SPEM3: variants seen among roughly 807,000 people sequenced by gnomAD.
SPEM3 encodes the protein SPEM family member 3.
rs939195872 is a variant in SPEM3, at chr17:7,431,831, A to G, written c.2660A>G (p.Glu887Gly). ...EVNKSSGVIQESFLHKSPGLV... is the reference protein window; with the variant it reads ...EVNKSSGVIQGSFLHKSPGLV... ...AATAAGAGCTCAGGAGTTATCCAGG[A>G]ATCTTTTCTCCACAAGAGCCCAGGC... Residue 887 changes from glutamate (E) to glycine (G), a missense_variant, in exon 3 of 3, where the codon GAA becomes GGA. Glu to Gly is a moderately conservative substitution (Grantham distance 98). Coordinates refer to ENST00000636696, the MANE Select transcript of SPEM3 (RefSeq NM_001364708.1). 2.3e-5 allele frequency: 9 copies of G among 398,572 alleles called. No homozygotes were observed. The highest frequency in any genetic ancestry group is 1.8e-4 in the African/African-American group (9 of 48,718). 24.7% of individuals were successfully genotyped at this position (398,572 alleles called of 1,614,324 possible).
Position 7,432,090 on chromosome 17 carries a change from G to C in SPEM3, c.2919G>C (p.Lys973Asn). 1 of 398,546 alleles carries C rather than the reference G, an allele frequency of 2.5e-6. No individual in the cohort carries two copies. The highest frequency in any genetic ancestry group is 3.6e-5 in the East Asian group (1 of 28,078). 24.7% of individuals were successfully genotyped at this position (398,546 alleles called of 1,614,324 possible). A position where few individuals can be genotyped will look rare whatever the true frequency, so the allele number is the denominator to read the frequency against. ...SEHSQDSNLHKCPGINQDPGP... is the reference protein window; with the variant it reads ...SEHSQDSNLHNCPGINQDPGP... The stretch of plus-strand genomic sequence containing the variant: ...ATAGCCAAGACTCTAATCTCCACAA[G>C]TGCCCAGGAATTAATCAAGATCCTG... Residue 973 changes from lysine to asparagine, a missense_variant, in exon 3 of 3, where the codon AAG becomes AAC. Physicochemically the swap from Lys to Asn is moderately conservative, Grantham distance 94 (BLOSUM62 0). Transcript: ENST00000636696. This position sits in a 1 kb window ranked among gnomAD's most constrained non-coding sequence, Gnocchi z 4.1.
rs1907833907 is a variant in SPEM3 at position 7,431,552 on chromosome 17, T to G, written c.2381T>G (p.Leu794Arg). The stretch of plus-strand genomic sequence containing the variant: ...ACACCATTTACCCAAACTTCTGATC[T>G]TCAGAGGAGCTCAGGCTTTACACAA... ...KKTPFTQTSD[L>R]QRSSGFTQDS... Residue 794 changes from leucine (L) to arginine (R), a missense_variant, in exon 3 of 3, where the codon CTT becomes CGT. Transcript: ENST00000636696. The G allele has an allele frequency of 2.5e-6, 1 of 398,426 alleles. No homozygotes were observed. Among genetic ancestry groups the G allele is most frequent in the Admixed American group, 4.4e-5 (1 of 22,686 alleles). 24.7% of individuals were successfully genotyped at this position (398,426 alleles called of 1,614,324 possible).
chr17:7,431,886 C>T lies in SPEM3; in HGVS notation c.2715C>T (p.Cys905=), dbSNP rs566755459. Residue 905 remains cysteine, a synonymous_variant, in exon 3 of 3, where the codon TGC becomes TGT. Transcript: ENST00000636696. Reference sequence around the variant, plus strand: ...TCCAAACCTCTGGCCTCCCAAAGTGCTCAGGCCTTACCCAAAACTCAGGAG... The same window carrying T: ...TCCAAACCTCTGGCCTCCCAAAGTGTTCAGGCCTTACCCAAAACTCAGGAG... The part of the protein sequence containing the change: ...GLVQTSGLPK[C]SGLTQNSGDY... 4.8e-4 allele frequency: 193 copies of T among 398,498 alleles called. 1 individual carries two copies. In the East Asian group the frequency reaches 6.5e-3, roughly 13 times the overall value. The allele number at this position is 398,498 out of a possible 1,614,324, so 24.7% of individuals were successfully genotyped here. A position where few individuals can be genotyped will look rare whatever the true frequency, so the allele number is the denominator to read the frequency against.
chr17:7,429,202 C>T lies in SPEM3; in HGVS notation c.151C>T (p.Leu51=), dbSNP rs1183967097. ...INVVTLLWKH[L]KSSLRILFRH... ...CCACTCCCTTCAGCTCTGGAAGCAT[C>T]TGAAGAGCTCCTTGCGGATTCTTTT... Residue 51 remains leucine (L), a synonymous_variant, in exon 2 of 3, where the codon CTG becomes TTG. Coordinates refer to ENST00000636696, the MANE Select transcript of SPEM3 (RefSeq NM_001364708.1). This position sits in a 1 kb window ranked among gnomAD's most constrained non-coding sequence, Gnocchi z 4.9. The T allele has an allele frequency of 2.5e-6, 1 of 398,510 alleles. No homozygotes were observed. The highest frequency in any genetic ancestry group is 4.4e-6 in the Non-Finnish European group (1 of 226,092). 24.7% of individuals were successfully genotyped at this position (398,510 alleles called of 1,614,324 possible).
chr17:7,430,640 G>A lies in SPEM3; in HGVS notation c.1469G>A (p.Ser490Asn). Residue 490 changes from serine to asparagine, a missense_variant, in exon 3 of 3, where the codon AGT becomes AAT. Ser to Asn is a conservative substitution (Grantham distance 46). Coordinates refer to ENST00000636696, the MANE Select transcript of SPEM3 (RefSeq NM_001364708.1). Reference protein sequence around the residue: ...FRPQEGQDLVSSGISEQTKQC... With the variant: ...FRPQEGQDLVNSGISEQTKQC... Reference sequence around the variant, plus strand: ...CCCCAAGAGGGTCAGGACCTGGTGAGTTCTGGCATATCTGAGCAAACAAAG... The same window carrying A: ...CCCCAAGAGGGTCAGGACCTGGTGAATTCTGGCATATCTGAGCAAACAAAG... 1 of 398,712 alleles carries A rather than the reference G, an allele frequency of 2.5e-6. No individual in the cohort carries two copies. Among genetic ancestry groups the A allele is most frequent in the Non-Finnish European group, 4.4e-6 (1 of 226,138 alleles). 24.7% of individuals were successfully genotyped at this position (398,712 alleles called of 1,614,324 possible). A position where few individuals can be genotyped will look rare whatever the true frequency, so the allele number is the denominator to read the frequency against.
rs1400983916 is a variant in SPEM3 at position 7,431,832 on chromosome 17, A to G, written c.2661A>G (p.Glu887=). ...EVNKSSGVIQ[E]SFLHKSPGLV... is the part of the protein sequence containing the mutation. ...ATAAGAGCTCAGGAGTTATCCAGGA[A>G]TCTTTTCTCCACAAGAGCCCAGGCC... is the stretch of plus-strand genomic sequence containing the variant. Residue 887 remains glutamate, a synonymous_variant, in exon 3 of 3, where the codon GAA becomes GAG. Coordinates refer to ENST00000636696, the MANE Select transcript of SPEM3 (RefSeq NM_001364708.1). 2.5e-6 allele frequency: 1 copy of G among 398,426 alleles called. No homozygotes were observed. The highest frequency in any genetic ancestry group is 4.4e-5 in the Admixed American group (1 of 22,702). 24.7% of individuals were successfully genotyped at this position (398,426 alleles called of 1,614,324 possible). A position where few individuals can be genotyped will look rare whatever the true frequency, so the allele number is the denominator to read the frequency against.
Position 7,431,618 on chromosome 17 carries a change from C to T in SPEM3, c.2447C>T (p.Thr816Ile), listed in dbSNP as rs917309609. ...AGGAATCTTGAACCAAACCAAGAGA[C>T]TGTGATCTACAAAAATCAAGATCTC... Reference protein sequence around the residue: ...IYRNLEPNQETVIYKNQDLSQ... With the variant: ...IYRNLEPNQEIVIYKNQDLSQ... Residue 816 changes from threonine (T) to isoleucine (I), a missense_variant, in exon 3 of 3, where the codon ACT (threonine) becomes ATT (isoleucine). By Grantham distance (89) the Thr-to-Ile change is moderately conservative (BLOSUM62 -1). Coordinates refer to ENST00000636696, the MANE Select transcript of SPEM3 (RefSeq NM_001364708.1). The T allele has an allele frequency of 7.5e-6, 3 of 398,600 alleles. No homozygotes were observed. The highest frequency in any genetic ancestry group is 2.1e-5 in the African/African-American group (1 of 48,738). The allele number at this position is 398,600 out of a possible 1,614,324, so 24.7% of individuals were successfully genotyped here.
In SPEM3 at chr17:7,429,317, C is replaced by T. The variant is rs1441660951; in HGVS notation, c.197-51C>T. 1 of 398,442 alleles carries T rather than the reference C, an allele frequency of 2.5e-6. No individual in the cohort carries two copies. Among genetic ancestry groups the T allele is most frequent in the Non-Finnish European group, 4.4e-6 (1 of 226,060 alleles). The allele number at this position is 398,442 out of a possible 1,614,324, so 24.7% of individuals were successfully genotyped here. On this transcript the variant is annotated intron_variant, in intron 2 of 2. Transcript: ENST00000636696. This position sits in a 1 kb window ranked among gnomAD's most constrained non-coding sequence, Gnocchi z 4.9. ...CCTTTCTCCTATCCCTGGCCCAGTT[C>T]TTAGTCCCTAGGGAACCCGGGCATT... is the stretch of plus-strand genomic sequence containing the variant.
In SPEM3 at chr17:7,429,394, A is replaced by G. The variant is rs1035214557; in HGVS notation, c.223A>G (p.Ile75Val). The G allele has an allele frequency of 2.8e-5, 11 of 398,438 alleles. No homozygotes were observed. Among genetic ancestry groups the G allele is most frequent in the African/African-American group, 4.1e-5 (2 of 48,560 alleles). 24.7% of individuals were successfully genotyped at this position (398,438 alleles called of 1,614,324 possible). Residue 75 changes from isoleucine to valine, a missense_variant, in exon 3 of 3, where the codon ATA (isoleucine) becomes GTA (valine). Physicochemically the swap from Ile to Val is conservative, Grantham distance 29. Transcript: ENST00000636696. The surrounding 1 kb of genome is among the most constrained non-coding windows in gnomAD (Gnocchi z 4.9). ...KDKQPSGSHP[I>V]CICSSVDPKN... is the part of the protein sequence containing the mutation. The stretch of plus-strand genomic sequence containing the variant: ...CAAGCAGCCCAGCGGCAGCCATCCC[A>G]TATGTATTTGCTCCTCCGTGGATCC...
Position 7,430,487 on chromosome 17 carries a change from C to T in SPEM3, c.1316C>T (p.Ala439Val), listed in dbSNP as rs2150827393. The T allele has an allele frequency of 2.5e-6, 1 of 399,492 alleles. No homozygotes were observed. The highest frequency in any genetic ancestry group is 2.1e-5 in the African/African-American group (1 of 48,742). 24.7% of individuals were successfully genotyped at this position (399,492 alleles called of 1,614,324 possible). A position where few individuals can be genotyped will look rare whatever the true frequency, so the allele number is the denominator to read the frequency against. Residue 439 changes from alanine (A) to valine (V), a missense_variant, in exon 3 of 3, where the codon GCC (alanine) becomes GTC (valine). By Grantham distance (64) the Ala-to-Val change is moderately conservative (BLOSUM62 0). Coordinates refer to ENST00000636696, the MANE Select transcript of SPEM3 (RefSeq NM_001364708.1). ...ACTCCTATACCCTCTACCCCACCTG[C>T]CTTCAGCCATGACCTCTCCACTGGC... The part of the protein sequence containing the change: ...IITPIPSTPP[A>V]FSHDLSTGHV...
In SPEM3 at chr17:7,430,165, G is replaced by C. The variant is rs1021719197; in HGVS notation, c.994G>C (p.Ala332Pro). ...TGAACACACCTCAGCCCACTCCCCAGCCCAGGCTCCTATGCCTGTCCCAGC... is the reference window on the plus strand; with the variant it reads ...TGAACACACCTCAGCCCACTCCCCACCCCAGGCTCCTATGCCTGTCCCAGC... ...SPEHTSAHSP[A>P]QAPMPVPAHP... Residue 332 changes from alanine (A) to proline (P), a missense_variant, in exon 3 of 3, where the codon GCC becomes CCC. Physicochemically the swap from Ala to Pro is conservative, Grantham distance 27. Transcript: ENST00000636696. The C allele has an allele frequency of 2.4e-5, 10 of 416,640 alleles. No individual in the cohort carries two copies. The highest frequency in any genetic ancestry group is 6.0e-4 in the Middle Eastern group (1 of 1,672). The allele number at this position is 416,640 out of a possible 1,614,324, so 25.8% of individuals were successfully genotyped here.
rs184125967 is a variant in SPEM3 at position 7,431,976 on chromosome 17, T to C, written c.2805T>C (p.Asp935=). 2.5e-6 allele frequency: 1 copy of C among 398,554 alleles called. No individual in the cohort carries two copies. The highest frequency in any genetic ancestry group is 2.1e-5 in the African/African-American group (1 of 48,722). 24.7% of individuals were successfully genotyped at this position (398,554 alleles called of 1,614,324 possible). The change falls in exon 3 of 3, where the codon GAT becomes GAC. Residue 935 remains aspartate (D), a synonymous_variant. Transcript: ENST00000636696. Reference sequence around the variant, plus strand: ...ACAAAGTTAAAGGCCTTACTCAAGATTCCAACCTCCCAAGCCTTACCCAAG... The same window carrying C: ...ACAAAGTTAAAGGCCTTACTCAAGACTCCAACCTCCCAAGCCTTACCCAAG... ...GGHKVKGLTQ[D]SNLPSLTQAT...
In SPEM3 at chr17:7,429,342, T is replaced by C. The variant is rs2150826862; in HGVS notation, c.197-26T>C. ...CTTAGTCCCTAGGGAACCCGGGCAT[T>C]GTCCCCATCCTACCTCTCCCTGCAG... On this transcript the variant is annotated intron_variant, in intron 2 of 2. Coordinates refer to ENST00000636696, the MANE Select transcript of SPEM3 (RefSeq NM_001364708.1). This position sits in a 1 kb window ranked among gnomAD's most constrained non-coding sequence, Gnocchi z 4.9. 2.5e-6 allele frequency: 1 copy of C among 398,534 alleles called. No individual in the cohort carries two copies. 24.7% of individuals were successfully genotyped at this position (398,534 alleles called of 1,614,324 possible).
At position 7,430,712 on chromosome 17, in the gene SPEM3, G is replaced by A. The variant is rs988092698; in HGVS notation, c.1541G>A (p.Gly514Asp). 2 of 398,510 alleles carry A rather than the reference G, an allele frequency of 5.0e-6. No individual in the cohort carries two copies. The highest frequency in any genetic ancestry group is 8.8e-6 in the Non-Finnish European group (2 of 226,114). 24.7% of individuals were successfully genotyped at this position (398,510 alleles called of 1,614,324 possible). A position where few individuals can be genotyped will look rare whatever the true frequency, so the allele number is the denominator to read the frequency against. The stretch of plus-strand genomic sequence containing the variant: ...AAGCTTCCTGCAGGATCCATACTGG[G>A]CTACCTGGAGTTGAGGAATATGGAA... Reference protein sequence around the residue: ...SAKLPAGSILGYLELRNMEWK... With the variant: ...SAKLPAGSILDYLELRNMEWK... Residue 514 changes from glycine (G) to aspartate (D), a missense_variant, in exon 3 of 3, where the codon GGC becomes GAC. Gly to Asp is a moderately conservative substitution (Grantham distance 94). Coordinates refer to ENST00000636696, the MANE Select transcript of SPEM3 (RefSeq NM_001364708.1).
In SPEM3 at chr17:7,432,359, AG is replaced by A. The variant is rs1257484507; in HGVS notation, c.3189del (p.Gln1063HisfsTer36). 2 of 398,706 alleles carry A rather than the reference AG, an allele frequency of 5.0e-6. No individual in the cohort carries two copies. The highest frequency in any genetic ancestry group is 8.8e-6 in the Non-Finnish European group (2 of 226,086). 24.7% of individuals were successfully genotyped at this position (398,706 alleles called of 1,614,324 possible). ...PEKAAQKEDA[Q>X]RHVLWARVQL... ...AAGGCTGCTCAGAAGGAGGACGCAC[AG>A]CGGCACGTCCTCTGGGCTCGTGTCC... On this transcript the variant is annotated frameshift_variant, in exon 3 of 3. Coordinates refer to ENST00000636696, the MANE Select transcript of SPEM3 (RefSeq NM_001364708.1). LOFTEE classifies it low-confidence loss of function (END_TRUNC). This position sits in a 1 kb window ranked among gnomAD's most constrained non-coding sequence, Gnocchi z 4.1.
Position 7,431,567 on chromosome 17 carries a change from G to C in SPEM3, c.2396G>C (p.Gly799Ala), listed in dbSNP as rs188550190. The change falls in exon 3 of 3, where the codon GGC becomes GCC. Residue 799 changes from glycine (G) to alanine (A), a missense_variant. Physicochemically the swap from Gly to Ala is moderately conservative, Grantham distance 60 (BLOSUM62 0). Coordinates refer to ENST00000636696, the MANE Select transcript of SPEM3 (RefSeq NM_001364708.1). ...ACTTCTGATCTTCAGAGGAGCTCAG[G>C]CTTTACACAAGACTCTGGAATCTAT... ...TQTSDLQRSS[G>A]FTQDSGIYRN... 2.5e-6 allele frequency: 1 copy of C among 398,532 alleles called. No homozygotes were observed. Among genetic ancestry groups the C allele is most frequent in the East Asian group, 3.6e-5 (1 of 28,070 alleles). The allele number at this position is 398,532 out of a possible 1,614,324, so 24.7% of individuals were successfully genotyped here. A position where few individuals can be genotyped will look rare whatever the true frequency, so the allele number is the denominator to read the frequency against.
At position 7,430,885 on chromosome 17, in the gene SPEM3, T is replaced by A. The variant is rs970706937; in HGVS notation, c.1714T>A (p.Cys572Ser). The change falls in exon 3 of 3, where the codon TGT (cysteine) becomes AGT (serine). Residue 572 changes from cysteine to serine, a missense_variant. Physicochemically the swap from Cys to Ser is moderately radical, Grantham distance 112. Transcript: ENST00000636696. ...KFLAYSRDTA[C>S]AKTCFHSATT... ...CCTTGCCTACTCCCGGGATACTGCA[T>A]GTGCCAAGACTTGCTTTCATTCTGC... 1 of 398,612 alleles carries A rather than the reference T, an allele frequency of 2.5e-6. No homozygotes were observed. Among genetic ancestry groups the A allele is most frequent in the African/African-American group, 2.1e-5 (1 of 48,618 alleles). 24.7% of individuals were successfully genotyped at this position (398,612 alleles called of 1,614,324 possible). A position where few individuals can be genotyped will look rare whatever the true frequency, so the allele number is the denominator to read the frequency against.
In SPEM3 at chr17:7,430,471, C is replaced by A. The variant is rs1597735309; in HGVS notation, c.1300C>A (p.Pro434Thr). The A allele has an allele frequency of 5.0e-6, 2 of 399,936 alleles. No individual in the cohort carries two copies. Among genetic ancestry groups the A allele is most frequent in the Admixed American group, 4.4e-5 (1 of 22,746 alleles). 24.8% of individuals were successfully genotyped at this position (399,936 alleles called of 1,614,324 possible). A position where few individuals can be genotyped will look rare whatever the true frequency, so the allele number is the denominator to read the frequency against. The change falls in exon 3 of 3, where the codon CCC (proline) becomes ACC (threonine). Residue 434 changes from proline to threonine, a missense_variant. Pro to Thr is a conservative substitution (Grantham distance 38). Transcript: ENST00000636696. ...CCCTGCCCCTATCATAACTCCTATA[C>A]CCTCTACCCCACCTGCCTTCAGCCA... ...TTPAPIITPI[P>T]STPPAFSHDL...
rs1217527729 is a variant in SPEM3, at chr17:7,431,774, A to G, written c.2603A>G (p.Lys868Arg). Residue 868 changes from lysine to arginine, a missense_variant, in exon 3 of 3, where the codon AAG becomes AGG. By Grantham distance (26) the Lys-to-Arg change is conservative. Coordinates refer to ENST00000636696, the MANE Select transcript of SPEM3 (RefSeq NM_001364708.1). Reference protein sequence around the residue: ...AGLTEDSGSQKGPYVPQDSEV... With the variant: ...AGLTEDSGSQRGPYVPQDSEV... ...CTTACTGAAGATTCTGGATCACAGA[A>G]GGGTCCGTATGTTCCCCAAGACTCT... The G allele has an allele frequency of 2.5e-6, 1 of 398,522 alleles. No individual in the cohort carries two copies. Among genetic ancestry groups the G allele is most frequent in the Non-Finnish European group, 4.4e-6 (1 of 226,088 alleles). The allele number at this position is 398,522 out of a possible 1,614,324, so 24.7% of individuals were successfully genotyped here.
Sources: allele counts gnomAD v4.1 joint callset, GRCh38; gene constraint gnomAD v4.1.1; non-coding constraint Gnocchi (gnomAD v3.1); transcripts MANE v1.5; gene names NCBI Gene and HGNC (gene_info 2026-07-23, HGNC 2026-07-21).